The following PKD1L3 variants were observed in gnomAD, a reference collection of about 807,000 sequenced individuals.
The protein encoded by PKD1L3 is polycystin 1 like 3, transient receptor potential channel interacting.
Under a neutral mutation model 184.1 loss-of-function variants are expected in PKD1L3, and 239 were observed. The observed-to-expected ratio is 1.30, with a 90% CI of 1.17 to 1.45. The LOEUF is 1.45. PKD1L3 is among the 40% of genes most tolerant of loss of function. The probability of loss-of-function intolerance (pLI) is 0.00; values close to 1 mark genes in which losing one functional copy is unlikely to be tolerated. For synonymous variants in PKD1L3, 996 were observed against 778.8 expected, an observed-to-expected ratio of 1.28 and a Z score of -4.64; for missense variants, 2,660 against 2,067.2, an observed-to-expected ratio of 1.29 and a Z score of -5.56.
chr16:71,993,409 C>T (rs2040667784), intron 2 of PKD1L3, 77 bp from the exon 3 acceptor site: 3 of 906,648 alleles, frequency 3.3e-6, no homozygotes, highest in Non-Finnish European at 3.2e-6. Context: ...TCATTACATG[C>T]ACGTATGTGA....
chr16:71,963,017 C>CTT (rs1240405096), intron 16 of PKD1L3, among the ~76,000 whole-genome samples, 188 bp downstream of exon 16: 3 of 152,100 alleles, frequency 2.0e-5, no homozygotes, highest in Non-Finnish European at 4.4e-5. Flanking sequence ...CTTCGAATCT[C>CTT]TTTTTGTCTT....
At chr16:71,985,912 G>C (rs2040342423) in intron 5 of PKD1L3, among the ~76,000 whole-genome samples, 1 of 152,168 alleles carries the variant, frequency 6.6e-6, no homozygotes, top group East Asian at 1.9e-4. Flanking sequence ...GGAGAGAGGG[G>C]ACAGTGAGTA....
intron 24 of PKD1L3, 65 bp from the exon 25 acceptor site, chr16:71,937,484 T>C: frequency 6.6e-7 from 1 of 1,514,790 alleles, no homozygotes; most frequent in Non-Finnish European, 8.8e-7. Context: ...TTGTTAAACT[T>C]TGTCTTTGAA....
intron 14 of PKD1L3, 47 bp downstream of exon 14, chr16:71,967,859 T>C (rs1351642099): frequency 6.9e-7 from 1 of 1,452,598 alleles, no homozygotes; most frequent in Admixed American, 2.0e-5. Flanking sequence ...GTGTGTCTCA[T>C]GTGGCAGAAG....
chr16:71,983,450 T>C (rs1400748442), intron 6 of PKD1L3, among the ~76,000 whole-genome samples: 3 of 152,194 alleles, frequency 2.0e-5, no homozygotes, highest in Non-Finnish European at 2.9e-5. Context: ...TTCCACTGAA[T>C]GCCGACAGAC....
At chr16:71,939,461 G>A (rs2038288419) in intron 24 of PKD1L3, among the ~76,000 whole-genome samples, 1 of 152,196 alleles carries the variant, frequency 6.6e-6, no homozygotes, top group Non-Finnish European at 1.5e-5. Flanking sequence ...AGGATGCTGT[G>A]ACATTAGAAC....
intron 2 of PKD1L3, 87 bp from the exon 3 acceptor site, chr16:71,993,419 A>G (rs2040668361): frequency 1.2e-6 from 1 of 825,716 alleles, no homozygotes; most frequent in Admixed American, 3.4e-5. Context: ...CACGTATGTG[A>G]TAATCAGGAA....
At chr16:71,935,126 T>C (rs991162171) in intron 26 of PKD1L3, among the ~76,000 whole-genome samples, 31 of 152,238 alleles carry the variant, frequency 2.0e-4, no homozygotes, top group African/African-American at 6.8e-4. Flanking sequence ...GCATTATCCT[T>C]AAGCACATAC....
intron 9 of PKD1L3, among the ~76,000 whole-genome samples, chr16:71,979,464 A>G (rs957702344): frequency 2.5e-5 from 3 of 119,060 alleles, no homozygotes; most frequent in African/African-American, 7.4e-5. Flanking sequence ...AACAAAACAA[A>G]ACAAGACAAA....
At chr16:71,954,419 C>G in intron 16 of PKD1L3, 118 bp from the exon 17 acceptor site, 3 of 633,024 alleles carry the variant, frequency 4.7e-6, no homozygotes, top group South Asian at 2.6e-5. Context: ...CTATTCAACA[C>G]CTCTGTGAAT....
At chr16:71,970,993 C>T (rs1219201231) in intron 12 of PKD1L3, among the ~76,000 whole-genome samples, 3 of 152,144 alleles carry the variant, frequency 2.0e-5, no homozygotes, top group Non-Finnish European at 4.4e-5. Flanking sequence ...TTTCCCTCTC[C>T]AGAATGTCAG....
intron 5 of PKD1L3, among the ~76,000 whole-genome samples, chr16:71,984,842 G>A (rs755792720): frequency 1.3e-5 from 2 of 152,190 alleles, no homozygotes; most frequent in Non-Finnish European, 2.9e-5. Context: ...CTGGGCGACA[G>A]ATCGAGAATC....
At position 71,977,229 on chromosome 16, in the gene PKD1L3, G is replaced by T. The variant is rs375160560; in HGVS notation, c.1759+7C>A. On this transcript the variant is annotated splice_region_variant and intron_variant, in intron 11 of 29. Coordinates refer to ENST00000620267, the MANE Select transcript of PKD1L3 (RefSeq NM_181536.2). ...AAGTAAGTTTCTGACAGCTGATTGG[G>T]TTTTACCTTTTTGCCACACCTTATC... 6.7e-6 allele frequency: 10 copies of T among 1,503,478 alleles called. No individual in the cohort carries two copies. In the Admixed American group the frequency reaches 2.0e-4, roughly 30 times the overall value. 93.1% of individuals were successfully genotyped at this position (1,503,478 alleles called of 1,614,324 possible). A position where few individuals can be genotyped will look rare whatever the true frequency, so the allele number is the denominator to read the frequency against.
chr16:71,986,292 G>A lies in PKD1L3; in HGVS notation c.763C>T (p.Pro255Ser), dbSNP rs990115217. Residue 255 changes from proline (P) to serine (S), a missense_variant, in exon 5 of 30, where the codon CCA becomes TCA. Physicochemically the swap from Pro to Ser is moderately conservative, Grantham distance 74. Coordinates refer to ENST00000620267, the MANE Select transcript of PKD1L3 (RefSeq NM_181536.2). ...GTATTCGGATGACCTTCTTCCTTTG[G>A]GCTTGAAGTTGTTTCTGCCAGAGAT... ...GQSLAETTSS[P>S]KEEGHPNTFT... is the part of the protein sequence containing the mutation. The A allele has an allele frequency of 6.4e-7, 1 of 1,552,120 alleles. No individual in the cohort carries two copies. The highest frequency in any genetic ancestry group is 2.4e-5 in the East Asian group (1 of 40,918).
chr16:71,937,679 C>A (rs578007983), intron 24 of PKD1L3, among the ~76,000 whole-genome samples: 1 of 152,044 alleles, frequency 6.6e-6, no homozygotes. Flanking sequence ...AGGGAGGTGT[C>A]GGTGGCTTAA....
At position 71,963,291 on chromosome 16, in the gene PKD1L3, G is replaced by T. The variant is rs1477784669; in HGVS notation, c.2526C>A (p.Cys842Ter). 6.4e-7 allele frequency: 1 copy of T among 1,551,276 alleles called. No individual in the cohort carries two copies. Among genetic ancestry groups the T allele is most frequent in the Non-Finnish European group, 8.7e-7 (1 of 1,146,830 alleles). ...CGAGGTCCACAGCCAGCCAGCAATTGCACAGGAAATGCCACTTCCTCTTAA... is the reference window on the plus strand; with the variant it reads ...CGAGGTCCACAGCCAGCCAGCAATTTCACAGGAAATGCCACTTCCTCTTAA... ...MAVKRKWHFL[C>*]NCWLAVDLGD... Residue 842 changes from cysteine to a stop codon, truncating the protein, a stop_gained, in exon 16 of 30, where the codon TGC (cysteine) becomes TGA (stop). Coordinates refer to ENST00000620267, the MANE Select transcript of PKD1L3 (RefSeq NM_181536.2). LOFTEE classifies it high-confidence loss of function.
At position 71,935,130 on chromosome 16, in the gene PKD1L3, C is replaced by T. The variant is rs576901419; in HGVS notation, c.4613+228G>A. On this transcript the variant is annotated intron_variant, in intron 26 of 29. Transcript: ENST00000620267. ...GAAATTTAAATGCATTATCCTTAAGCACATACCTAAGCACTAATGAAGGCA... is the reference window on the plus strand; with the variant it reads ...GAAATTTAAATGCATTATCCTTAAGTACATACCTAAGCACTAATGAAGGCA... Among the ~76,000 whole-genome samples the T allele has an allele frequency of 2.6e-5, 4 of 152,328 alleles. No individual in the cohort carries two copies. In the East Asian group the frequency reaches 7.7e-4, roughly 29 times the overall value.
chr16:71,962,443 G>C (rs928653649), intron 16 of PKD1L3, among the ~76,000 whole-genome samples: 13 of 152,182 alleles, frequency 8.5e-5, no homozygotes, highest in Middle Eastern at 6.8e-3. Flanking sequence ...CCGTTCTCCT[G>C]GTCTGTGAAT....
intron 7 of PKD1L3, 42 bp from the exon 8 acceptor site, chr16:71,980,176 G>C: frequency 6.5e-7 from 1 of 1,536,988 alleles, no homozygotes; most frequent in Non-Finnish European, 8.8e-7. Context: ...TAAAACCTCA[G>C]TGTCTTATGT....
Sources: gnomAD v4.1 joint callset for allele counts (sites outside exome capture counted in the v4.1 genomes callset) on GRCh38, gnomAD v4.1.1 for gene constraint, MANE v1.5 for transcripts, NCBI Gene and HGNC (gene_info 2026-07-23, HGNC 2026-07-21) for gene names.